P2RY6: variants seen among roughly 807,000 people sequenced by gnomAD.
P2RY6 encodes the protein P2Y purinoceptor 6.
Under a neutral mutation model 16.3 loss-of-function variants are expected in P2RY6, and 19 were observed. The observed-to-expected ratio is 1.16, with a 90% CI of 0.81 to 1.71. The LOEUF (loss-of-function observed/expected upper bound fraction) is 1.71, where lower values mean the gene tolerates loss of function less well. Ranked by LOEUF, P2RY6 falls within the 40% of genes most tolerant of loss-of-function variation. The pLI is 0.00. For missense variants in P2RY6, 389 were observed against 455.5 expected, an observed-to-expected ratio of 0.85 and a Z score of 1.33; for synonymous variants, 184 against 201.5, an observed-to-expected ratio of 0.91 and a Z score of 0.74.
upstream of P2RY6, chr11:73,271,925 G>A (rs1218984715): frequency 6.6e-6 from 1 of 152,144 alleles, no homozygotes; most frequent in African/African-American, 2.4e-5. Context: ...AGGCACTGCT[G>A]AGAAAACCAG....
At chr11:73,269,535 C>T (rs1447088912), upstream of P2RY6, among the ~76,000 whole-genome samples, 2 of 152,164 alleles carry the variant, frequency 1.3e-5, no homozygotes, top group Non-Finnish European at 2.9e-5. Flanking sequence ...TCCCCAGGAG[C>T]AGCATGTGTG....
At chr11:73,269,490 GA>G (rs1385872024), upstream of P2RY6, among the ~76,000 whole-genome samples, 1 of 152,176 alleles carries the variant, frequency 6.6e-6, no homozygotes, top group African/African-American at 2.4e-5. Context: ...CGGAGCCTGG[GA>G]AAATAAGGCC....
At chr11:73,273,737 T>C (rs1418397606) in intron 1 of P2RY6, among the ~76,000 whole-genome samples, 4 of 152,222 alleles carry the variant, frequency 2.6e-5, no homozygotes, top group African/African-American at 9.6e-5. Context: ...GCCAGAAGCT[T>C]GCCTGGCTTC....
At chr11:73,269,446 A>G (rs1265671455), upstream of P2RY6, among the ~76,000 whole-genome samples, 1 of 152,210 alleles carries the variant, frequency 6.6e-6, no homozygotes, top group Non-Finnish European at 1.5e-5. Context: ...CTCCCGTGAC[A>G]TCTGGGACAG....
At position 73,297,302 on chromosome 11, in the gene P2RY6, T is replaced by C; in HGVS notation, c.784T>C (p.Tyr262His). ...FLPFHITKTAYLAVRSTPGVP... is the reference protein window; with the variant it reads ...FLPFHITKTAHLAVRSTPGVP... ...GCCTTTTCACATCACCAAGACAGCC[T>C]ACCTGGCAGTGCGCTCGACGCCGGG... The change falls in exon 3 of 3, where the codon TAC (tyrosine) becomes CAC (histidine). Residue 262 changes from tyrosine (Y) to histidine (H), a missense_variant. Coordinates refer to ENST00000540124, the MANE Select transcript of P2RY6 (RefSeq NM_001277204.2). 1.9e-6 allele frequency: 3 copies of C among 1,609,640 alleles called. No individual in the cohort carries two copies. Among genetic ancestry groups the C allele is most frequent in the South Asian group, 2.2e-5 (2 of 91,058 alleles).
At position 73,296,749 on chromosome 11, in the gene P2RY6, C is replaced by T. The variant is rs143936651; in HGVS notation, c.231C>T (p.Cys77=). The T allele has an allele frequency of 3.7e-5, 59 of 1,613,238 alleles. No homozygotes were observed. Among genetic ancestry groups the T allele is most frequent in the Non-Finnish European group, 4.9e-5 (58 of 1,180,054 alleles). Residue 77 remains cysteine (C), a synonymous_variant, in exon 3 of 3, where the codon TGC becomes TGT. Coordinates refer to ENST00000540124, the MANE Select transcript of P2RY6 (RefSeq NM_001277204.2). ...NLALADLLYA[C]SLPLLIYNYA... ...CTCTGGCTGACCTGCTATATGCCTG[C>T]TCCCTGCCCCTGCTCATCTACAACT...
chr11:73,286,844 ACT>A (rs1380563819), intron 1 of P2RY6, among the ~76,000 whole-genome samples: 11 of 151,766 alleles, frequency 7.2e-5, no homozygotes, highest in Admixed American at 3.9e-4. Flanking sequence ...TTCTTAAGCC[ACT>A]CTTCCTGAGA....
chr11:73,290,295 AAAGAAAGAAAAGAAAGAAAGAAAG>A (rs1864155767), intron 1 of P2RY6, among the ~76,000 whole-genome samples: 3 of 130,980 alleles, frequency 2.3e-5, no homozygotes, highest in African/African-American at 9.1e-5. Flanking sequence ...AGAAAGAAAG[AAAGAAAGAAAAGAAAGAAAGAAAG>A]AAAGAAAGAA....
upstream of P2RY6, chr11:73,271,731 G>C (rs533012858): frequency 6.6e-6 from 1 of 152,466 alleles, no homozygotes; most frequent in East Asian, 1.9e-4. Context: ...TTTAGGCGCC[G>C]GGCTACCTGC....
intron 1 of P2RY6, among the ~76,000 whole-genome samples, chr11:73,290,347 GA>G (rs1183108217): frequency 1.8e-4 from 26 of 141,872 alleles, no homozygotes; most frequent in African/African-American, 7.0e-4. Context: ...AAGAAAGAAA[GA>G]AAGAAAGAAA....
chr11:73,296,995 C>T lies in P2RY6; in HGVS notation c.477C>T (p.Cys159=). 1 of 1,601,372 alleles carries T rather than the reference C, an allele frequency of 6.2e-7. No homozygotes were observed. Among genetic ancestry groups the T allele is most frequent in the African/African-American group, 1.3e-5 (1 of 75,076 alleles). The part of the protein sequence containing the change: ...VAVWLAVTTQ[C]LPTAIFAATG... The stretch of plus-strand genomic sequence containing the variant: ...TGTGGCTGGCCGTGACAACCCAGTG[C>T]CTGCCCACAGCCATCTTCGCTGCCA... Residue 159 remains cysteine (C), a synonymous_variant, in exon 3 of 3, where the codon TGC becomes TGT. Coordinates refer to ENST00000540124, the MANE Select transcript of P2RY6 (RefSeq NM_001277204.2).
Position 73,297,711 on chromosome 11 carries a change from C to A in P2RY6, c.*206C>A. 1.7e-6 allele frequency: 1 copy of A among 595,878 alleles called. No individual in the cohort carries two copies. 36.9% of individuals were successfully genotyped at this position (595,878 alleles called of 1,614,324 possible). A position where few individuals can be genotyped will look rare whatever the true frequency, so the allele number is the denominator to read the frequency against. On this transcript the variant is annotated 3_prime_UTR_variant, in exon 3 of 3. Coordinates refer to ENST00000540124, the MANE Select transcript of P2RY6 (RefSeq NM_001277204.2). ...CCTGTGGGCATGGAGATGGACAGAC[C>A]TGGGCCTGGCTCTTGAGAGGTCCCA...
At chr11:73,278,851 G>C (rs966032484) in intron 1 of P2RY6, among the ~76,000 whole-genome samples, 4 of 152,080 alleles carry the variant, frequency 2.6e-5, no homozygotes, top group Non-Finnish European at 5.9e-5. Context: ...TTCTGTTTGA[G>C]TCCTTGCCTT....
upstream of P2RY6, among the ~76,000 whole-genome samples, chr11:73,270,723 G>T (rs771734742): frequency 6.6e-6 from 1 of 152,274 alleles, no homozygotes; most frequent in Admixed American, 6.5e-5. Flanking sequence ...GCCCTGAGTT[G>T]CTGCCTGTGC....
At chr11:73,278,828 T>C (rs780605721) in intron 1 of P2RY6, among the ~76,000 whole-genome samples, 13 of 152,244 alleles carry the variant, frequency 8.5e-5, no homozygotes, top group Non-Finnish European at 1.8e-4. Context: ...GCTATGAACA[T>C]TGATGTATAA....
chr11:73,278,921 T>C (rs1235167272), intron 1 of P2RY6, among the ~76,000 whole-genome samples: 1 of 152,238 alleles, frequency 6.6e-6, no homozygotes, highest in Non-Finnish European at 1.5e-5. Context: ...AATTTCATGC[T>C]TATTTTTTGA....
intron 1 of P2RY6, among the ~76,000 whole-genome samples, chr11:73,286,349 C>T (rs771322457): frequency 6.6e-6 from 1 of 152,122 alleles, no homozygotes; most frequent in Non-Finnish European, 1.5e-5. Flanking sequence ...ACACCCAAAC[C>T]TTACCTGTAC....
intron 1 of P2RY6, among the ~76,000 whole-genome samples, chr11:73,264,862 AAAG>A (rs1863051071): frequency 6.6e-6 from 1 of 152,188 alleles, no homozygotes; most frequent in Admixed American, 6.5e-5. Context: ...CTAAAAAAAA[AAAG>A]AAATTACTGT....
chr11:73,292,776 T>A, intron 1 of P2RY6: 1 of 985,234 alleles, frequency 1.0e-6, no homozygotes, highest in South Asian at 4.7e-5. Flanking sequence ...GAGACAGCCC[T>A]GCCAGGAAAC....
Sources: allele counts gnomAD v4.1 joint callset (sites outside exome capture counted in the v4.1 genomes callset), GRCh38; gene constraint gnomAD v4.1.1; transcripts MANE v1.5; gene names NCBI Gene and HGNC (gene_info 2026-07-23, HGNC 2026-07-21).